FAM186B: variants seen among roughly 807,000 people sequenced by gnomAD.
FAM186B encodes the protein protein FAM186B.
Under a neutral mutation model 83.4 loss-of-function variants are expected in FAM186B, and 68 were observed. The ratio of observed to expected loss-of-function variants is 0.81; its 90% CI spans 0.67 to 1.00. The LOEUF (loss-of-function observed/expected upper bound fraction) is 1.00, where lower values mean the gene tolerates loss of function less well. Among genes scored for constraint, FAM186B ranks in the 50% least tolerant of loss-of-function variants. The probability of loss-of-function intolerance (pLI) is 0.00; values close to 1 mark genes in which losing one functional copy is unlikely to be tolerated. For missense variants in FAM186B, 983 were observed against 1,099.2 expected (o/e 0.89, Z 1.49); for synonymous variants, 389 against 422.0 (o/e 0.92, Z 0.96).
chr12:49,613,396 G>A, the FAM186B span, among the ~76,000 whole-genome samples: 104 of 151,748 alleles, frequency 6.9e-4, no homozygotes, highest in East Asian at 9.0e-3. Context: ...GTGTGGTGGT[G>A]GGCGCCTGTA....
At position 49,600,547 on chromosome 12, in the gene FAM186B, C is replaced by T. The variant is rs752575517; in HGVS notation, c.1093G>A (p.Glu365Lys). 7 of 1,613,836 alleles carry T rather than the reference C, an allele frequency of 4.3e-6. No individual in the cohort carries two copies. The East Asian group carries it at 1.1e-4, about 26-fold the overall frequency. ...EESQQEPMKE[E>K]QLFSPLPPSP... ...GGGGGAAGTGGCGAGAACAACTGCT[C>T]CTCCTTCATCGGTTCCTGTTGGCTT... The change falls in exon 4 of 7, where the codon GAG (glutamate) becomes AAG (lysine). Residue 365 changes from glutamate (E) to lysine (K), a missense_variant. Physicochemically the swap from Glu to Lys is moderately conservative, Grantham distance 56 (BLOSUM62 1). Transcript: ENST00000257894. This position sits in a 1 kb window ranked among gnomAD's most constrained non-coding sequence, Gnocchi z 4.3.
intron 5 of FAM186B, among the ~76,000 whole-genome samples, chr12:49,594,640 C>G (rs1939670726): frequency 6.6e-6 from 1 of 152,146 alleles, no homozygotes; most frequent in South Asian, 2.1e-4. Context: ...TTTGGGAGGC[C>G]AAGGTGGGTG....
chr12:49,616,915 T>C, the FAM186B span, among the ~76,000 whole-genome samples: 1 of 152,200 alleles, frequency 6.6e-6, no homozygotes, highest in Non-Finnish European at 1.5e-5. Context: ...TGTGGAGGGA[T>C]TGTGGGCAAC....
chr12:49,604,275 C>G, intron 2 of FAM186B, 38 bp downstream of exon 2: 1 of 1,565,008 alleles, frequency 6.4e-7, no homozygotes, highest in Non-Finnish European at 8.8e-7. Context: ...CCACACTCCC[C>G]TCCCAGAGGA....
intron 3 of FAM186B, 87 bp from the exon 4 acceptor site, chr12:49,601,221 G>A: frequency 2.7e-6 from 4 of 1,482,070 alleles, no homozygotes; most frequent in Non-Finnish European, 2.7e-6. Flanking sequence ...GGGCCAAAAT[G>A]GCAACCCCCT....
At chr12:49,599,447 G>A (rs1565809534) in intron 4 of FAM186B, 22 bp downstream of exon 4, 6 of 1,513,980 alleles carry the variant, frequency 4.0e-6, no homozygotes, top group Non-Finnish European at 5.3e-6. Flanking sequence ...TGGGTGCCAG[G>A]TGGGTTCCAG....
At chr12:49,621,148 C>T in the FAM186B span, among the ~76,000 whole-genome samples, 3 of 152,298 alleles carry the variant, frequency 2.0e-5, no homozygotes, top group South Asian at 2.1e-4. Flanking sequence ...TTTGCCAGGT[C>T]GAGGCAGGCA....
chr12:49,596,878 G>A (rs1481477278), intron 5 of FAM186B, among the ~76,000 whole-genome samples: 1 of 152,198 alleles, frequency 6.6e-6, no homozygotes, highest in African/African-American at 2.4e-5. Context: ...AACAACCGAG[G>A]TGCCCATCAG....
chr12:49,620,231 G>C, the FAM186B span, among the ~76,000 whole-genome samples: 1 of 152,164 alleles, frequency 6.6e-6, no homozygotes, highest in East Asian at 1.9e-4. Flanking sequence ...TTCTAAAGAA[G>C]ATAGCAAACC....
At chr12:49,603,498 TG>T in intron 2 of FAM186B, 131 bp from the exon 3 acceptor site, 1 of 842,846 alleles carries the variant, frequency 1.2e-6, no homozygotes. Context: ...TATGTGATGT[TG>T]GGCAAGTCAC....
In FAM186B at chr12:49,603,115, T is replaced by C. The variant is rs538508105; in HGVS notation, c.505+70A>G. 4 of 1,550,866 alleles carry C rather than the reference T, an allele frequency of 2.6e-6. No homozygotes were observed. The East Asian group carries it at 9.0e-5, about 35-fold the overall frequency. On this transcript the variant is annotated intron_variant, in intron 3 of 6. Coordinates refer to ENST00000257894, the MANE Select transcript of FAM186B (RefSeq NM_032130.3). ...AATCAGAAAGACCCCAGGCCCAGCC[T>C]CTGACTTCCCCTGCCATGGCTCCAC...
chr12:49,583,668 T>C (rs973159684), downstream of FAM186B: 19 of 152,852 alleles, frequency 1.2e-4, no homozygotes, highest in African/African-American at 4.6e-4. Context: ...CTTTCTGGAG[T>C]CTCAGCCTTA....
Position 49,599,774 on chromosome 12 carries a change from G to A in FAM186B, c.1866C>T (p.Thr622=). The change falls in exon 4 of 7, where the codon ACC becomes ACT. Residue 622 remains threonine (T), a synonymous_variant. Transcript: ENST00000257894. The part of the protein sequence containing the change: ...SSVEFTYRPR[T]RRVPTKPKKS... ...TCTTGGGCTTTGTGGGAACTCGGCGGGTCCGTGGTCTGTAGGTAAACTCCA... is the reference window on the plus strand; with the variant it reads ...TCTTGGGCTTTGTGGGAACTCGGCGAGTCCGTGGTCTGTAGGTAAACTCCA... The A allele has an allele frequency of 6.2e-7, 1 of 1,614,080 alleles. No homozygotes were observed. Among genetic ancestry groups the A allele is most frequent in the Non-Finnish European group, 8.5e-7 (1 of 1,179,984 alleles).
At chr12:49,585,100 G>GCTCTGCCTCCTGCGTT (rs1939412831), downstream of FAM186B, among the ~76,000 whole-genome samples, 1 of 152,118 alleles carries the variant, frequency 6.6e-6, no homozygotes, top group South Asian at 2.1e-4. Flanking sequence ...CTCACTGCAA[G>GCTCTGCCTCCTGCGTT]CTCTGCCTCC....
chr12:49,608,036 C>T (rs1032292072), upstream of FAM186B, among the ~76,000 whole-genome samples: 2 of 151,602 alleles, frequency 1.3e-5, no homozygotes, highest in African/African-American at 4.8e-5. Context: ...ACCAGAAAAA[C>T]ATGACAAGAA....
chr12:49,616,398 A>T, the FAM186B span, among the ~76,000 whole-genome samples: 2 of 152,238 alleles, frequency 1.3e-5, no homozygotes, highest in African/African-American at 4.8e-5. Flanking sequence ...TTAAATATTT[A>T]TTATAAAACA....
At chr12:49,621,066 A>T in the FAM186B span, among the ~76,000 whole-genome samples, 1 of 152,342 alleles carries the variant, frequency 6.6e-6, no homozygotes, top group Admixed American at 6.5e-5. Flanking sequence ...AAAGCATAGA[A>T]TATGGCAAAT....
intron 6 of FAM186B, 109 bp downstream of exon 6, chr12:49,588,345 T>C (rs1033661078): frequency 2.2e-5 from 29 of 1,342,706 alleles, no homozygotes; most frequent in African/African-American, 2.9e-5. Flanking sequence ...TAGGGTGATA[T>C]TGGCCTGTTG....
upstream of FAM186B, among the ~76,000 whole-genome samples, chr12:49,605,915 C>T (rs1037922450): frequency 2.6e-5 from 4 of 151,674 alleles, no homozygotes; most frequent in East Asian, 1.9e-4. Context: ...CGTGCCACCA[C>T]GCCTGGCTAA....
Sources: gnomAD v4.1 joint callset for allele counts (sites outside exome capture counted in the v4.1 genomes callset) on GRCh38, gnomAD v4.1.1 for gene constraint, Gnocchi (gnomAD v3.1) non-coding constraint, MANE v1.5 for transcripts, NCBI Gene and HGNC (gene_info 2026-07-23, HGNC 2026-07-21) for gene names.